Variants in TERF1 observed in about 807,000 individuals in gnomAD.
The protein encoded by TERF1 is telomeric repeat binding factor 1.
A neutral mutation model predicts 55.1 loss-of-function variants in TERF1; 20 were observed. That is an observed-to-expected ratio of 0.36 (90% CI 0.26 to 0.53). The LOEUF (loss-of-function observed/expected upper bound fraction) is 0.53, where lower values mean the gene tolerates loss of function less well. TERF1 is among the 20% of genes least tolerant of loss of function. TERF1 has a pLI of 0.91. For missense variants in TERF1, 439 were observed against 535.7 expected (o/e 0.82, Z 1.78); for synonymous variants, 168 against 181.2 (o/e 0.93, Z 0.59).
intron 3 of TERF1, 102 bp downstream of exon 3, chr8:73,020,907 G>T: frequency 2.6e-6 from 2 of 775,568 alleles, no homozygotes; most frequent in African/African-American, 1.8e-5. Context: ...AAAATTTAAT[G>T]TATTGTTTCT....
chr8:73,046,336 G>C lies in TERF1; in HGVS notation c.*199G>C. The C allele has an allele frequency of 2.7e-6, 1 of 366,428 alleles. No homozygotes were observed. Among genetic ancestry groups the C allele is most frequent in the Non-Finnish European group, 4.9e-6 (1 of 204,778 alleles). 22.7% of individuals were successfully genotyped at this position (366,428 alleles called of 1,614,324 possible). A position where few individuals can be genotyped will look rare whatever the true frequency, so the allele number is the denominator to read the frequency against. On this transcript the variant is annotated 3_prime_UTR_variant, in exon 10 of 10. Transcript: ENST00000276603. ...TTGTATTCTTTAAGAACCTTATTTT[G>C]ATAAAATGTAAATTTGTTGAACCCT...
At chr8:73,018,105 T>C (rs1304483613) in intron 2 of TERF1, among the ~76,000 whole-genome samples, 1 of 152,194 alleles carries the variant, frequency 6.6e-6, no homozygotes, top group Non-Finnish European at 1.5e-5. Context: ...AAAGTACCAG[T>C]TATATTGGTT....
In TERF1 at chr8:73,020,751, TGAAAAG is replaced by T; in HGVS notation, c.487_492del (p.Lys163_Glu164del). The T allele has an allele frequency of 6.4e-7, 1 of 1,564,410 alleles. No homozygotes were observed. The highest frequency in any genetic ancestry group is 8.8e-7 in the Non-Finnish European group (1 of 1,140,034). On this transcript the variant is annotated inframe_deletion, in exon 3 of 10. Coordinates refer to ENST00000276603, the MANE Select transcript of TERF1 (RefSeq NM_017489.3). ...CAGCCCTGATGATTTGGGGTTCAAT[TGAAAAG>T]GAACATGACAAACTTCATGAAGAAA...
chr8:73,038,774 T>C (rs1336690093), intron 8 of TERF1: 1 of 972,580 alleles, frequency 1.0e-6, no homozygotes, highest in East Asian at 1.1e-4. Context: ...ATTATGCTTC[T>C]TAGTACTCCT....
intron 2 of TERF1, among the ~76,000 whole-genome samples, chr8:73,016,361 C>A (rs1452841754): frequency 1.3e-5 from 2 of 151,466 alleles, no homozygotes; most frequent in Admixed American, 6.6e-5. Flanking sequence ...TGGCTGTAGA[C>A]CCCCACGTAG....
intron 8 of TERF1, among the ~76,000 whole-genome samples, chr8:73,035,049 T>A (rs1809454855): frequency 6.6e-6 from 1 of 152,218 alleles, no homozygotes; most frequent in African/African-American, 2.4e-5. Flanking sequence ...TTTTAATATG[T>A]AAAACTGAAG....
chr8:73,030,590 T>G, intron 7 of TERF1, 195 bp downstream of exon 7: 1 of 399,454 alleles, frequency 2.5e-6, no homozygotes, highest in Non-Finnish European at 4.4e-6. Context: ...GAGACTGGGT[T>G]GTTTCACATT....
At chr8:73,025,824 G>A (rs1808961967) in intron 5 of TERF1, among the ~76,000 whole-genome samples, 1 of 150,882 alleles carries the variant, frequency 6.6e-6, no homozygotes, top group Non-Finnish European at 1.5e-5. Flanking sequence ...CTACTTTGGG[G>A]AGTTGAGGCT....
chr8:73,045,252 G>GA (rs1392434861), intron 9 of TERF1, among the ~76,000 whole-genome samples: 1 of 152,118 alleles, frequency 6.6e-6, no homozygotes, highest in Non-Finnish European at 1.5e-5. Context: ...GGTTTTTAAA[G>GA]AAAATCTGAA....
chr8:73,012,673 A>G (rs1400431140), intron 1 of TERF1, among the ~76,000 whole-genome samples: 1 of 146,330 alleles, frequency 6.8e-6, no homozygotes, highest in Non-Finnish European at 1.5e-5. Context: ...CTCTGTCTCA[A>G]AAAAAAAAAA....
intron 1 of TERF1, chr8:73,012,249 G>A (rs1351465805): frequency 6.6e-6 from 1 of 152,084 alleles, no homozygotes; most frequent in Non-Finnish European, 1.5e-5. Flanking sequence ...CATGATTTGT[G>A]GTACTCCAGA....
chr8:73,016,437 C>CT (rs1203829786), intron 2 of TERF1, among the ~76,000 whole-genome samples: 2,207 of 135,700 alleles, frequency 0.016, 129 homozygotes, highest in Admixed American at 0.11. Context: ...GAACTTTAAG[C>CT]TTTTTTTTTT....
At chr8:73,026,846 A>G in intron 5 of TERF1, 94 bp from the exon 6 acceptor site, 1 of 927,020 alleles carries the variant, frequency 1.1e-6, no homozygotes, top group South Asian at 1.4e-5. Context: ...AGCTATGACT[A>G]TCAAAGAATT....
At chr8:73,037,836 A>ATATATAT (rs1491530168) in intron 8 of TERF1, among the ~76,000 whole-genome samples, 109 of 91,928 alleles carry the variant, frequency 1.2e-3, no homozygotes, top group Non-Finnish European at 1.8e-3. Flanking sequence ...TAGTATAATA[A>ATATATAT]TATATATAAT....
At position 73,047,971 on chromosome 8, in the gene TERF1, T is replaced by C. The variant is rs899138013; in HGVS notation, c.*1834T>C. The stretch of plus-strand genomic sequence containing the variant: ...ACTAGAAAAGAAAAATCGGTATCAA[T>C]TATAGTATGGTGCTTTCTTATTTTG... On this transcript the variant is annotated 3_prime_UTR_variant, in exon 10 of 10. Coordinates refer to ENST00000276603, the MANE Select transcript of TERF1 (RefSeq NM_017489.3). 1 of 152,210 alleles carries C rather than the reference T, an allele frequency of 6.6e-6. No homozygotes were observed. The highest frequency in any genetic ancestry group is 1.5e-5 in the Non-Finnish European group (1 of 68,038). The allele number at this position is 152,210 out of a possible 1,614,324, so 9.4% of individuals were successfully genotyped here. A position where few individuals can be genotyped will look rare whatever the true frequency, so the allele number is the denominator to read the frequency against.
In TERF1 at chr8:73,014,120, G is replaced by GGT. The variant is rs753694239; in HGVS notation, c.415+145_415+146dup. ...CTGGTGCATAGGGGTGTGGGGGGGT[G>GGT]GTGTGTGTGTGTGTGTACACATACA... On this transcript the variant is annotated intron_variant, in intron 2 of 9. Transcript: ENST00000276603. 7.6e-4 allele frequency: 491 copies of GGT among 646,722 alleles called. 2 individuals carry two copies. The highest frequency in any genetic ancestry group is 6.2e-3 in the African/African-American group (338 of 54,170). The allele number at this position is 646,722 out of a possible 1,614,324, so 40.1% of individuals were successfully genotyped here.
chr8:73,047,036 G>T lies in TERF1; in HGVS notation c.*899G>T, dbSNP rs1343662749. 6.6e-6 allele frequency: 1 copy of T among 152,102 alleles called. No homozygotes were observed. Among genetic ancestry groups the T allele is most frequent in the East Asian group, 1.9e-4 (1 of 5,194 alleles). The allele number at this position is 152,102 out of a possible 1,614,324, so 9.4% of individuals were successfully genotyped here. A position where few individuals can be genotyped will look rare whatever the true frequency, so the allele number is the denominator to read the frequency against. Reference sequence around the variant, plus strand: ...AATAGACACTGGGGAGGTAGGGTGGGGAGCGGGAGCAAGAGCTGAAAAACT... The same window carrying T: ...AATAGACACTGGGGAGGTAGGGTGGTGAGCGGGAGCAAGAGCTGAAAAACT... On this transcript the variant is annotated 3_prime_UTR_variant, in exon 10 of 10. Coordinates refer to ENST00000276603, the MANE Select transcript of TERF1 (RefSeq NM_017489.3).
At chr8:73,018,296 ATAAAG>A (rs1808607616) in intron 2 of TERF1, among the ~76,000 whole-genome samples, 1 of 152,220 alleles carries the variant, frequency 6.6e-6, no homozygotes, top group Non-Finnish European at 1.5e-5. Flanking sequence ...ACAACAGGAA[ATAAAG>A]TAAAAATATT....
chr8:73,032,187 A>G, intron 8 of TERF1, 54 bp downstream of exon 8: 1 of 1,308,676 alleles, frequency 7.6e-7, no homozygotes, highest in Admixed American at 2.1e-5. Context: ...TCCTCAAACA[A>G]TCCAGCCATT....
Sources: allele counts gnomAD v4.1 joint callset (sites outside exome capture counted in the v4.1 genomes callset), GRCh38; gene constraint gnomAD v4.1.1; transcripts MANE v1.5; gene names NCBI Gene and HGNC (gene_info 2026-07-23, HGNC 2026-07-21).